The following CTNNA3 variants were observed in gnomAD, a reference collection of about 807,000 sequenced individuals.
CTNNA3 encodes catenin alpha-3.
Under a neutral mutation model 95.7 loss-of-function variants are expected in CTNNA3, and 76 were observed. The observed-to-expected ratio is 0.79, with a 90% CI of 0.66 to 0.96. CTNNA3 has a LOEUF of 0.96. CTNNA3 is among the 40% of genes least tolerant of loss of function. The probability of loss-of-function intolerance (pLI) is 0.00; values close to 1 mark genes in which losing one functional copy is unlikely to be tolerated. For synonymous variants in CTNNA3, 431 were observed against 374.4 expected, an observed-to-expected ratio of 1.15 and a Z score of -1.74; for missense variants, 1,191 against 1,089.8, an observed-to-expected ratio of 1.09 and a Z score of -1.31.
At chr10:66,372,825 A>G (rs1268496110) in intron 12 of CTNNA3, among the ~76,000 whole-genome samples, 1 of 152,144 alleles carries the variant, frequency 6.6e-6, no homozygotes, top group African/African-American at 2.4e-5. Flanking sequence ...TCACTGTCAC[A>G]AGAACAGCAT....
chr10:67,592,751 C>G (rs1842827000), intron 3 of CTNNA3, among the ~76,000 whole-genome samples: 1 of 152,140 alleles, frequency 6.6e-6, no homozygotes, highest in Admixed American at 6.6e-5. Context: ...AGATAGAATA[C>G]ATATGACTAA....
chr10:67,677,633 T>G (rs1840558433), intron 1 of CTNNA3, among the ~76,000 whole-genome samples: 1 of 152,130 alleles, frequency 6.6e-6, no homozygotes, highest in South Asian at 2.1e-4. Flanking sequence ...GCTTTTCAGG[T>G]AGCCAGGGGT....
At chr10:67,568,105 G>A (rs1020127128) in intron 3 of CTNNA3, among the ~76,000 whole-genome samples, 1 of 151,850 alleles carries the variant, frequency 6.6e-6, no homozygotes, top group Non-Finnish European at 1.5e-5. Context: ...AGTAAACTTT[G>A]GGTTAAAAAA....
intron 7 of CTNNA3, among the ~76,000 whole-genome samples, chr10:66,924,373 A>G (rs1236977411): frequency 6.6e-6 from 1 of 152,230 alleles, no homozygotes. Context: ...AGTTCACCTA[A>G]CAAAAAACAA....
At chr10:66,142,122 G>T (rs1174472046) in intron 13 of CTNNA3, among the ~76,000 whole-genome samples, 2 of 152,152 alleles carry the variant, frequency 1.3e-5, no homozygotes, top group Non-Finnish European at 2.9e-5. Context: ...TTTTAGAAAT[G>T]TTATAGGTTT....
In CTNNA3 at chr10:66,360,808, C is replaced by CTTT. The variant is rs2092662807; in HGVS notation, c.1732+18343_1732+18344insAAA. On this transcript the variant is annotated intron_variant, in intron 12 of 17. Coordinates refer to ENST00000433211, the MANE Select transcript of CTNNA3 (RefSeq NM_013266.4). ...TTCTTCCTTCCTTCCTTCCTTCCTT[C>CTTT]CTTCCTTCCTTTCTTTCTTTCTTTC... Among the ~76,000 whole-genome samples, 75 of 61,808 alleles carry CTTT rather than the reference C, an allele frequency of 1.2e-3. 4 individuals carry two copies. Among genetic ancestry groups the CTTT allele is most frequent in the East Asian group, 7.4e-3 (13 of 1,756 alleles). 40.5% of individuals were successfully genotyped at this position (61,808 alleles called of 152,430 possible).
chr10:66,686,529 T>C (rs905104402), intron 9 of CTNNA3, among the ~76,000 whole-genome samples: 4 of 152,200 alleles, frequency 2.6e-5, no homozygotes, highest in Non-Finnish European at 5.9e-5. Flanking sequence ...GTTTTTCTTT[T>C]CTTCTCTCTA....
intron 7 of CTNNA3, among the ~76,000 whole-genome samples, chr10:67,069,543 G>C (rs956273545): frequency 1.1e-4 from 16 of 151,272 alleles, no homozygotes; most frequent in South Asian, 4.2e-4. Context: ...ATATTACAAG[G>C]TGTACAGCAG....
At chr10:67,597,950 G>C (rs1035888081) in intron 3 of CTNNA3, among the ~76,000 whole-genome samples, 1 of 152,154 alleles carries the variant, frequency 6.6e-6, no homozygotes. Flanking sequence ...AAGAGTTATG[G>C]TGGTGGCTAC....
intron 12 of CTNNA3, among the ~76,000 whole-genome samples, chr10:66,359,983 C>G (rs1211616474): frequency 6.6e-6 from 1 of 151,862 alleles, no homozygotes; most frequent in African/African-American, 2.4e-5. Flanking sequence ...CATGCCACCA[C>G]ACCTGGCTAA....
At chr10:66,016,171 T>C (rs2079092551) in intron 15 of CTNNA3, among the ~76,000 whole-genome samples, 1 of 152,178 alleles carries the variant, frequency 6.6e-6, no homozygotes, top group Non-Finnish European at 1.5e-5. Context: ...CACAAAGAGA[T>C]AATAACCAGT....
At chr10:65,961,541 G>A (rs1430363881) in intron 17 of CTNNA3, among the ~76,000 whole-genome samples, 1 of 152,072 alleles carries the variant, frequency 6.6e-6, no homozygotes, top group Non-Finnish European at 1.5e-5. Flanking sequence ...ACTATGATAT[G>A]TGTACTGCTG....
At chr10:67,606,468 A>C (rs1843274636) in intron 3 of CTNNA3, among the ~76,000 whole-genome samples, 1 of 152,222 alleles carries the variant, frequency 6.6e-6, no homozygotes, top group Admixed American at 6.5e-5. Flanking sequence ...TCAGGTCTGA[A>C]ACTTCTATTT....
chr10:66,004,460 C>A (rs1225526334), intron 15 of CTNNA3, among the ~76,000 whole-genome samples: 1 of 152,084 alleles, frequency 6.6e-6, no homozygotes, highest in African/African-American at 2.4e-5. Context: ...GGTTTTCTCC[C>A]CCAGTTGGAC....
chr10:67,073,591 T>TA (rs1272402175), intron 7 of CTNNA3, among the ~76,000 whole-genome samples: 1 of 150,828 alleles, frequency 6.6e-6, no homozygotes, highest in East Asian at 2.0e-4. Context: ...AGAGTCATAT[T>TA]AAAAAAACAG....
At chr10:66,930,440 C>T (rs764966968) in intron 7 of CTNNA3, among the ~76,000 whole-genome samples, 2 of 152,080 alleles carry the variant, frequency 1.3e-5, no homozygotes, top group African/African-American at 2.4e-5. Context: ...TCAGTAAATA[C>T]ATATTCCATC....
rs1246714246 is a variant in CTNNA3 at position 66,547,343 on chromosome 10, C to CTTTTTT, written c.1375-26571_1375-26570insAAAAAA. 1.1e-3 allele frequency among the ~76,000 whole-genome samples: 94 copies of CTTTTTT among 83,164 alleles called. 29 individuals carry two copies. The highest frequency in any genetic ancestry group is 2.1e-3 in the Admixed American group (11 of 5,232). 54.6% of individuals were successfully genotyped at this position (83,164 alleles called of 152,430 possible). The stretch of plus-strand genomic sequence containing the variant: ...ATTCTTGTTCCTTTGATTTTTCTTT[C>CTTTTTT]TTTCTTTTTTTTTTTTTTGAGATAG... On this transcript the variant is annotated intron_variant, in intron 10 of 17. Transcript: ENST00000433211.
chr10:66,651,490 G>A (rs80167559), intron 9 of CTNNA3, among the ~76,000 whole-genome samples: 11,434 of 152,098 alleles, frequency 0.075, 787 homozygotes, highest in East Asian at 0.24. Flanking sequence ...GGGGTCAATG[G>A]GACTGGGCGC....
intron 7 of CTNNA3, among the ~76,000 whole-genome samples, chr10:67,070,108 A>G (rs944395215): frequency 6.6e-6 from 1 of 152,198 alleles, no homozygotes; most frequent in African/African-American, 2.4e-5. Context: ...GTGTAGTATT[A>G]TCACATTTTG....
Sources: gnomAD v4.1 joint callset for allele counts (sites outside exome capture counted in the v4.1 genomes callset) on GRCh38, gnomAD v4.1.1 for gene constraint, MANE v1.5 for transcripts, NCBI Gene and HGNC (gene_info 2026-07-23, HGNC 2026-07-21) for gene names.